The following AP2A1 variants were observed in gnomAD, a reference collection of about 807,000 sequenced individuals.
AP2A1 encodes the protein adaptor related protein complex 2 subunit alpha 1.
A neutral mutation model predicts 107.3 loss-of-function variants in AP2A1; 21 were observed. The observed-to-expected ratio is 0.20, with a 90% CI of 0.14 to 0.28. The LOEUF is 0.28. AP2A1 is among the 10% of genes least tolerant of loss of function. The pLI, the probability that AP2A1 is intolerant of heterozygous loss-of-function variation, is 1.00. For synonymous variants in AP2A1, 602 were observed against 564.8 expected, an observed-to-expected ratio of 1.07 and a Z score of -0.93; for missense variants, 873 against 1,307.7, an observed-to-expected ratio of 0.67 and a Z score of 5.13.
At chr19:49,772,596 T>C (rs558915892) in intron 1 of AP2A1, among the ~76,000 whole-genome samples, 90 of 151,518 alleles carry the variant, frequency 5.9e-4, no homozygotes, top group Admixed American at 1.9e-3. Flanking sequence ...CCCGGGTTCA[T>C]GCCATTCTCC....
At chr19:49,802,637 G>A (rs145828233) in intron 15 of AP2A1, 52 of 1,495,718 alleles carry the variant, frequency 3.5e-5, no homozygotes, top group Non-Finnish European at 4.4e-5. Context: ...GGTCGGGGGG[G>A]CGGACTCGGG....
Position 49,799,691 on chromosome 19 carries a change from G to C in AP2A1, c.1197G>C (p.Arg399=). ...AADLLYAMCD[R]SNAKQIVSEM... ...ACCTCCTCTACGCCATGTGTGACCG[G>C]AGCAATGCCAAGCAGATCGTGTCGG... The change falls in exon 10 of 23, where the codon CGG becomes CGC. Residue 399 remains arginine, a synonymous_variant. Coordinates refer to ENST00000354293, the MANE Select transcript of AP2A1 (RefSeq NM_130787.3). 1.9e-6 allele frequency: 3 copies of C among 1,613,206 alleles called. No homozygotes were observed. The highest frequency in any genetic ancestry group is 2.5e-6 in the Non-Finnish European group (3 of 1,179,884).
intron 1 of AP2A1, among the ~76,000 whole-genome samples, chr19:49,780,721 G>C (rs967703758): frequency 1.2e-4 from 18 of 152,124 alleles, no homozygotes; most frequent in Non-Finnish European, 5.9e-5. Context: ...GTCAAGTTAG[G>C]AGGAGGTGGC....
intron 7 of AP2A1, among the ~76,000 whole-genome samples, chr19:49,798,049 CT>C (rs1313183137): frequency 6.6e-6 from 1 of 152,206 alleles, no homozygotes; most frequent in Non-Finnish European, 1.5e-5. Flanking sequence ...TCATTGCTGC[CT>C]TGTGGTGTAT....
rs1040496253 is a variant in AP2A1, at chr19:49,800,966, C to G, written c.1461C>G (p.Leu487=). ...GYAAKTVFEA[L]QAPACHENMV... ...CCCTTCCCCACCCCACTCAGGCGCT[C>G]CAGGCCCCTGCCTGTCACGAGAACA... The change falls in exon 12 of 23, where the codon CTC becomes CTG. Residue 487 remains leucine, a synonymous_variant. Coordinates refer to ENST00000354293, the MANE Select transcript of AP2A1 (RefSeq NM_130787.3). 1.5e-5 allele frequency: 24 copies of G among 1,596,512 alleles called. No individual in the cohort carries two copies. Among genetic ancestry groups the G allele is most frequent in the Non-Finnish European group, 2.0e-5 (24 of 1,171,814 alleles).
At chr19:49,777,778 A>T (rs904643383) in intron 1 of AP2A1, among the ~76,000 whole-genome samples, 2 of 151,912 alleles carry the variant, frequency 1.3e-5, no homozygotes, top group Admixed American at 6.6e-5. Flanking sequence ...ATAGAAAAAA[A>T]ATTAGCTGAG....
intron 1 of AP2A1, among the ~76,000 whole-genome samples, chr19:49,781,424 C>T (rs1208248059): frequency 2.1e-4 from 32 of 152,134 alleles, no homozygotes; most frequent in Admixed American, 2.0e-3. Flanking sequence ...ACATGTTCAT[C>T]GCATGTGGGG....
intron 6 of AP2A1, 137 bp from the exon 7 acceptor site, chr19:49,795,493 C>T: frequency 1.6e-6 from 1 of 642,552 alleles, no homozygotes; most frequent in South Asian, 1.8e-5. Context: ...CCTGTCTCTA[C>T]AAAAAAAACC....
chr19:49,795,807 C>T (rs1316957190), intron 7 of AP2A1, 69 bp downstream of exon 7: 8 of 1,196,618 alleles, frequency 6.7e-6, no homozygotes, highest in African/African-American at 3.0e-5. Flanking sequence ...TCCTGCTCCA[C>T]GGCGCACCAG....
chr19:49,770,094 C>T (rs1290716498), intron 1 of AP2A1, among the ~76,000 whole-genome samples: 1 of 152,164 alleles, frequency 6.6e-6, no homozygotes, highest in East Asian at 1.9e-4. Context: ...GTCTCGAACT[C>T]CCAACCTCAA....
At chr19:49,803,483 C>A in intron 18 of AP2A1, 107 bp downstream of exon 18, 1 of 880,814 alleles carries the variant, frequency 1.1e-6, no homozygotes, top group Non-Finnish European at 1.9e-6. Flanking sequence ...CTCTCTTGGG[C>A]ACGCAATTAG....
Position 49,799,489 on chromosome 19 carries a change from C to T in AP2A1, c.1128C>T (p.Ala376=), listed in dbSNP as rs1022484018. Residue 376 remains alanine (A), a synonymous_variant, in exon 9 of 23, where the codon GCC becomes GCT. Transcript: ENST00000354293. ...CGCACATTGACACCGTCATCAATGC[C>T]CTCAAGGTGTGAGCCCTTGGAGCCC... The part of the protein sequence containing the change: ...VKTHIDTVIN[A]LKTERDVSVR... The T allele has an allele frequency of 1.2e-6, 2 of 1,611,310 alleles. No individual in the cohort carries two copies. The highest frequency in any genetic ancestry group is 1.3e-5 in the African/African-American group (1 of 75,024).
At chr19:49,779,661 A>G (rs1449317482) in intron 1 of AP2A1, among the ~76,000 whole-genome samples, 4 of 152,192 alleles carry the variant, frequency 2.6e-5, no homozygotes, top group Non-Finnish European at 5.9e-5. Context: ...GCTGGTCTCC[A>G]ACTCCTGGGC....
In AP2A1 at chr19:49,803,722, C is replaced by T. The variant is rs544081386; in HGVS notation, c.2344+346C>T. Reference sequence around the variant, plus strand: ...GCACTCAGGAGCCAGGCCTGCGGGTCCAGACGCTGATCAGGCCTGATCTGG... The same window carrying T: ...GCACTCAGGAGCCAGGCCTGCGGGTTCAGACGCTGATCAGGCCTGATCTGG... On this transcript the variant is annotated intron_variant, in intron 18 of 22. Coordinates refer to ENST00000354293, the MANE Select transcript of AP2A1 (RefSeq NM_130787.3). 1.4e-4 allele frequency: 53 copies of T among 381,968 alleles called. No homozygotes were observed. The Admixed American group carries it at 1.6e-3, about 12-fold the overall frequency. 23.7% of individuals were successfully genotyped at this position (381,968 alleles called of 1,614,324 possible).
rs1459665940 is a variant in AP2A1 at position 49,788,567 on chromosome 19, C to G, written c.474-3368C>G. ...GCCCAGAGTCAGGGCTCGGGAGATG[C>G]GCTGTGGCTCAGGAGATGTGCGCCG... On this transcript the variant is annotated intron_variant, in intron 4 of 22. Transcript: ENST00000354293. The surrounding 1 kb of genome is among the most constrained non-coding windows in gnomAD (Gnocchi z 4.5). Among the ~76,000 whole-genome samples, 4 of 149,718 alleles carry G rather than the reference C, an allele frequency of 2.7e-5. No individual in the cohort carries two copies. The highest frequency in any genetic ancestry group is 9.9e-5 in the African/African-American group (4 of 40,412).
At chr19:49,781,081 G>A (rs374006058) in intron 1 of AP2A1, among the ~76,000 whole-genome samples, 154 of 152,248 alleles carry the variant, frequency 1.0e-3, no homozygotes, top group African/African-American at 3.3e-3. Flanking sequence ...TGAGGAGCAT[G>A]GAGGAAGCAG....
chr19:49,798,041 A>C (rs1351760388), intron 7 of AP2A1, among the ~76,000 whole-genome samples: 1 of 152,212 alleles, frequency 6.6e-6, no homozygotes, highest in East Asian at 1.9e-4. Flanking sequence ...GACTGGGCTC[A>C]TTGCTGCCTT....
chr19:49,768,108 A>AG (rs530205414), intron 1 of AP2A1, among the ~76,000 whole-genome samples: 185 of 152,174 alleles, frequency 1.2e-3, no homozygotes, highest in African/African-American at 4.4e-3. Context: ...AGCTGGGAAT[A>AG]GGGGAAGTCT....
intron 1 of AP2A1, among the ~76,000 whole-genome samples, chr19:49,775,986 AGGCAGCTCCCT>A (rs2084613427): frequency 6.6e-6 from 1 of 152,124 alleles, no homozygotes; most frequent in African/African-American, 2.4e-5. Flanking sequence ...CTCCAAGGTA[AGGCAGCTCCCT>A]GGCCCCGTCA....
Sources: gnomAD v4.1 joint callset for allele counts (sites outside exome capture counted in the v4.1 genomes callset) on GRCh38, gnomAD v4.1.1 for gene constraint, Gnocchi (gnomAD v3.1) non-coding constraint, MANE v1.5 for transcripts, NCBI Gene and HGNC (gene_info 2026-07-23, HGNC 2026-07-21) for gene names.